RGS3: variants seen among roughly 807,000 people sequenced by gnomAD.
RGS3 encodes regulator of G-protein signalling 3.
Under a neutral mutation model 132.6 loss-of-function variants are expected in RGS3, and 80 were observed. The observed-to-expected ratio is 0.60, with a 90% confidence interval of 0.50 to 0.73. The LOEUF (loss-of-function observed/expected upper bound fraction) is 0.73, where lower values mean the gene tolerates loss of function less well. Ranked by LOEUF, RGS3 falls within the 30% of genes least tolerant of loss-of-function variation. The probability of loss-of-function intolerance (pLI) is 0.00; values close to 1 mark genes in which losing one functional copy is unlikely to be tolerated. For synonymous variants in RGS3, 598 were observed against 620.6 expected, an observed-to-expected ratio of 0.96 and a Z score of 0.54; for missense variants, 1,382 against 1,530.8, an observed-to-expected ratio of 0.90 and a Z score of 1.62.
chr9:113,475,460 C>G (rs547410974), intron 3 of RGS3, among the ~76,000 whole-genome samples: 7 of 152,210 alleles, frequency 4.6e-5, no homozygotes, highest in Non-Finnish European at 2.9e-5. Flanking sequence ...GGCTGGAGTA[C>G]AGTCGTGCAA....
At chr9:113,489,489 CA>C (rs1477269751) in intron 7 of RGS3, among the ~76,000 whole-genome samples, 3 of 152,154 alleles carry the variant, frequency 2.0e-5, no homozygotes, top group Non-Finnish European at 4.4e-5. Flanking sequence ...GCTTGCTCCT[CA>C]GGACTCAGGG....
At chr9:113,473,726 G>A (rs1265704330) in intron 3 of RGS3, among the ~76,000 whole-genome samples, 1 of 152,140 alleles carries the variant, frequency 6.6e-6, no homozygotes, top group Non-Finnish European at 1.5e-5. Flanking sequence ...TTCCTTGCCT[G>A]TAAATTGGGA....
intron 1 of RGS3, among the ~76,000 whole-genome samples, chr9:113,453,302 CATT>C (rs1263088435): frequency 2.9e-5 from 2 of 69,214 alleles, no homozygotes; most frequent in African/African-American, 5.7e-5. Context: ...ATAATATACT[CATT>C]ATATGATTAC....
intron 18 of RGS3, among the ~76,000 whole-genome samples, chr9:113,535,636 A>G (rs770629551): frequency 1.1e-4 from 16 of 152,206 alleles, no homozygotes; most frequent in Admixed American, 2.0e-4. Flanking sequence ...TGAGGTTGAC[A>G]GCTGGGAAGT....
At chr9:113,511,183 C>A (rs1471919164) in intron 14 of RGS3, among the ~76,000 whole-genome samples, 1 of 152,218 alleles carries the variant, frequency 6.6e-6, no homozygotes, top group Non-Finnish European at 1.5e-5. Flanking sequence ...GTAAAGGTGA[C>A]CTGGCCTCAG....
intron 11 of RGS3, 75 bp downstream of exon 9, chr9:113,505,598 T>A: frequency 8.3e-7 from 1 of 1,210,236 alleles, no homozygotes; most frequent in Non-Finnish European, 1.2e-6. Flanking sequence ...AGTCTGGAAC[T>A]AAAAGGGGAG....
intron 5 of RGS3, 21 bp downstream of exon 3, chr9:113,483,138 T>G (rs762666140): frequency 6.5e-7 from 1 of 1,550,020 alleles, no homozygotes; most frequent in East Asian, 2.2e-5. Context: ...GGGCCGGAGA[T>G]GGAGAGTGGG....
At chr9:113,538,651 T>C (rs778487262) in intron 19 of RGS3, among the ~76,000 whole-genome samples, 8 of 152,186 alleles carry the variant, frequency 5.3e-5, no homozygotes, top group Non-Finnish European at 1.2e-4. Flanking sequence ...TGGCTGACCC[T>C]GGAACGGCCC....
intron 14 of RGS3, among the ~76,000 whole-genome samples, chr9:113,510,489 C>T (rs1026606746): frequency 2.0e-5 from 3 of 152,162 alleles, no homozygotes; most frequent in South Asian, 4.1e-4. Flanking sequence ...TGAAGGAGAA[C>T]GACTTGGGTT....
intron 16 of RGS3, chr9:113,522,699 A>G: frequency 3.7e-6 from 2 of 535,822 alleles, no homozygotes; most frequent in Non-Finnish European, 6.7e-6. Context: ...CTTTTTTCCT[A>G]CTTTGAGGAG....
At position 113,534,833 on chromosome 9, in the gene RGS3, T is replaced by C. The variant is rs562938402; in HGVS notation, c.1915-1963T>C. Among the ~76,000 whole-genome samples the C allele has an allele frequency of 1.8e-4, 28 of 152,182 alleles. 1 individual carries two copies. The highest frequency in any genetic ancestry group is 6.0e-4 in the African/African-American group (25 of 41,508). On this transcript the variant is annotated intron_variant, in intron 18 of 24. Transcript: ENST00000350696. ...GGTCTCACTGTGTTTCCCAGGCTTG[T>C]CTGGAACTCCTGGGCGCAAATGATC...
At chr9:113,532,069 G>A (rs1362699336) in intron 18 of RGS3, among the ~76,000 whole-genome samples, 2 of 152,228 alleles carry the variant, frequency 1.3e-5, no homozygotes, top group Non-Finnish European at 2.9e-5. Context: ...TTCTGGGCCA[G>A]GGCCAGTGCA....
At chr9:113,473,092 C>T (rs1308374979) in intron 3 of RGS3, among the ~76,000 whole-genome samples, 1 of 152,120 alleles carries the variant, frequency 6.6e-6, no homozygotes, top group East Asian at 1.9e-4. Context: ...TATCCCAATA[C>T]AGCTGTTAAA....
intron 20 of RGS3, among the ~76,000 whole-genome samples, chr9:113,590,375 A>G (rs1445019784): frequency 2.3e-5 from 2 of 87,488 alleles, no homozygotes; most frequent in South Asian, 4.9e-4. Flanking sequence ...CCATCCATCT[A>G]TTCACCCATG....
intron 10 of RGS3, among the ~76,000 whole-genome samples, chr9:113,500,269 G>T (rs1296367202): frequency 6.6e-6 from 1 of 152,234 alleles, no homozygotes; most frequent in African/African-American, 2.4e-5. Context: ...TTCAGCTCCT[G>T]TGCTGTGCAG....
chr9:113,461,776 C>T (rs749753690), exon 2 of RGS3: 2 of 1,614,130 alleles, frequency 1.2e-6, no homozygotes, highest in Admixed American at 1.7e-5. Flanking sequence ...GTTGTACCTG[C>T]AGGTTGCTCA....
At chr9:113,562,305 A>G (rs1480575110) in intron 19 of RGS3, among the ~76,000 whole-genome samples, 1 of 151,956 alleles carries the variant, frequency 6.6e-6, no homozygotes, top group African/African-American at 2.4e-5. Context: ...GTGAAACCCC[A>G]CCTCTACTAA....
chr9:113,501,377 T>C, intron 10 of RGS3: 1 of 1,356,928 alleles, frequency 7.4e-7, no homozygotes, highest in South Asian at 1.7e-5. Context: ...TTCTGAGGTT[T>C]CAGGAAGCCT....
intron 10 of RGS3, chr9:113,501,520 G>A (rs548352925): frequency 1.4e-5 from 21 of 1,533,362 alleles, no homozygotes; most frequent in Non-Finnish European, 1.6e-5. Context: ...GCGGGCTCCC[G>A]CTGCTGGGGG....
Sources: allele counts gnomAD v4.1 joint callset (sites outside exome capture counted in the v4.1 genomes callset), GRCh38; gene constraint gnomAD v4.1.1; transcripts MANE v1.5; gene names NCBI Gene and HGNC (gene_info 2026-07-23, HGNC 2026-07-21).